ANKIB1: variants seen among roughly 807,000 people sequenced by gnomAD.
ANKIB1 encodes ankyrin repeat and IBR domain-containing protein 1.
ANKIB1 carries 43 observed loss-of-function variants against 122.1 expected under a neutral mutation model. The observed-to-expected ratio is 0.35, with a 90% CI of 0.28 to 0.45. The LOEUF (loss-of-function observed/expected upper bound fraction) is 0.45. Among genes scored for constraint, ANKIB1 ranks in the 20% least tolerant of loss-of-function variants. The pLI, the probability that ANKIB1 is intolerant of heterozygous loss-of-function variation, is 1.00. For missense variants in ANKIB1, 992 were observed against 1,329.5 expected, an observed-to-expected ratio of 0.75 and a Z score of 3.95; for synonymous variants, 390 against 442.0, an observed-to-expected ratio of 0.88 and a Z score of 1.48.
chr7:92,321,189 A>G (rs1802904005), intron 4 of ANKIB1, among the ~76,000 whole-genome samples: 1 of 152,180 alleles, frequency 6.6e-6, no homozygotes, highest in African/African-American at 2.4e-5. Context: ...TTTGATATGT[A>G]TATACAATGT....
chr7:92,398,343 A>T lies in ANKIB1; in HGVS notation c.2664A>T (p.Ile888=), dbSNP rs752595391. 1 of 1,613,584 alleles carries T rather than the reference A, an allele frequency of 6.2e-7. No homozygotes were observed. Among genetic ancestry groups the T allele is most frequent in the Non-Finnish European group, 8.5e-7 (1 of 1,179,728 alleles). ...FLSNEASLGA[I]GTSLPSRLDS... ...GTAATGAAGCATCCTTAGGTGCGAT[A>T]GGCACTTCTTTACCTTCCAGGCTGG... The change falls in exon 20 of 20, where the codon ATA becomes ATT. Residue 888 remains isoleucine (I), a synonymous_variant. Transcript: ENST00000265742.
intron 1 of ANKIB1, among the ~76,000 whole-genome samples, chr7:92,269,849 A>T (rs1297703442): frequency 1.3e-5 from 2 of 151,676 alleles, no homozygotes; most frequent in Non-Finnish European, 2.9e-5. Flanking sequence ...TACAGCGTGC[A>T]GGTTTGATAC....
intron 17 of ANKIB1, among the ~76,000 whole-genome samples, chr7:92,394,761 C>T (rs1307554460): frequency 1.7e-4 from 26 of 152,140 alleles, no homozygotes; most frequent in Admixed American, 1.7e-3. Flanking sequence ...GATGTCCCAC[C>T]TCAGCAAGGC....
intron 1 of ANKIB1, among the ~76,000 whole-genome samples, chr7:92,275,318 A>C (rs1047442371): frequency 1.3e-5 from 2 of 152,158 alleles, no homozygotes; most frequent in African/African-American, 4.8e-5. Flanking sequence ...CTCTGTACTT[A>C]GATATTACTG....
intron 3 of ANKIB1, among the ~76,000 whole-genome samples, chr7:92,310,633 A>T (rs1230242035): frequency 6.6e-6 from 1 of 152,160 alleles, no homozygotes; most frequent in East Asian, 1.9e-4. Context: ...AGATACGAAA[A>T]TCCACAGATG....
chr7:92,343,445 G>A (rs949358614), intron 6 of ANKIB1, among the ~76,000 whole-genome samples: 1 of 152,048 alleles, frequency 6.6e-6, no homozygotes, highest in African/African-American at 2.4e-5. Context: ...AAAAAAAAAG[G>A]TTTTCTTTCC....
chr7:92,286,031 A>G (rs1192084075), intron 1 of ANKIB1, among the ~76,000 whole-genome samples: 3 of 152,092 alleles, frequency 2.0e-5, no homozygotes. Context: ...GACTACTACT[A>G]CCCCTTCACC....
rs1308546840 is a variant in ANKIB1, at chr7:92,399,781, A to C, written c.*832A>C. On this transcript the variant is annotated 3_prime_UTR_variant, in exon 20 of 20. Transcript: ENST00000265742. ...CTGCTGTTAAAAACAGTTTATTTTA[A>C]TATTAAAATACAGTTGATTAGCAAC... The C allele has an allele frequency of 1.3e-5, 2 of 152,230 alleles. No homozygotes were observed. Among genetic ancestry groups the C allele is most frequent in the African/African-American group, 2.4e-5 (1 of 41,464 alleles). The allele number at this position is 152,230 out of a possible 1,614,324, so 9.4% of individuals were successfully genotyped here. A position where few individuals can be genotyped will look rare whatever the true frequency, so the allele number is the denominator to read the frequency against.
chr7:92,266,980 G>A (rs183809705), intron 1 of ANKIB1, among the ~76,000 whole-genome samples: 1 of 152,268 alleles, frequency 6.6e-6, no homozygotes, highest in Admixed American at 6.5e-5. Flanking sequence ...TGAGTTGAGA[G>A]GCAGTGAGTT....
At chr7:92,284,301 T>C (rs1157193668) in intron 1 of ANKIB1, among the ~76,000 whole-genome samples, 1 of 152,192 alleles carries the variant, frequency 6.6e-6, no homozygotes, top group Non-Finnish European at 1.5e-5. Flanking sequence ...GAGGCTACAG[T>C]GTATTACCTA....
intron 1 of ANKIB1, among the ~76,000 whole-genome samples, chr7:92,266,696 G>A (rs1801678213): frequency 6.6e-6 from 1 of 152,106 alleles, no homozygotes; most frequent in Admixed American, 6.5e-5. Flanking sequence ...GACCTCTCTG[G>A]GAGTCCACTC....
In ANKIB1 at chr7:92,307,536, A is replaced by G; in HGVS notation, c.366A>G (p.Lys122=). 3 of 1,613,918 alleles carry G rather than the reference A, an allele frequency of 1.9e-6. No individual in the cohort carries two copies. The highest frequency in any genetic ancestry group is 1.7e-6 in the Non-Finnish European group (2 of 1,179,896). ...RRADCLQMIL[K]WKGAKLDQGE... ...CAGATTGTCTGCAGATGATCTTAAA[A>G]TGGAAAGGAGCAAAACTTGACCAGG... Residue 122 remains lysine, a synonymous_variant, in exon 3 of 20, where the codon AAA becomes AAG. Transcript: ENST00000265742.
chr7:92,314,131 C>T (rs1448958042), intron 3 of ANKIB1, among the ~76,000 whole-genome samples: 1 of 151,772 alleles, frequency 6.6e-6, no homozygotes, highest in Non-Finnish European at 1.5e-5. Flanking sequence ...GAGCTTGTTT[C>T]TACTAAAAAT....
intron 5 of ANKIB1, among the ~76,000 whole-genome samples, chr7:92,328,962 C>T (rs1480987026): frequency 2.0e-5 from 3 of 147,526 alleles, no homozygotes; most frequent in Non-Finnish European, 3.0e-5. Context: ...TACACACACA[C>T]AAACACACTT....
At position 92,311,727 on chromosome 7, in the gene ANKIB1, CA is replaced by C. The variant is rs756973424; in HGVS notation, c.486+4072del. 3.6e-4 allele frequency among the ~76,000 whole-genome samples: 44 copies of C among 122,918 alleles called. No homozygotes were observed. The East Asian group carries it at 4.3e-3, about 12-fold the overall frequency. The allele number at this position is 122,918 out of a possible 152,430, so 80.6% of individuals were successfully genotyped here. A position where few individuals can be genotyped will look rare whatever the true frequency, so the allele number is the denominator to read the frequency against. ...TGTTCTGTAATAAGCGCCCCCCCCA[CA>C]CACACACACACAGAACATAAAATTA... is the stretch of plus-strand genomic sequence containing the variant. On this transcript the variant is annotated intron_variant, in intron 3 of 19. Coordinates refer to ENST00000265742, the MANE Select transcript of ANKIB1 (RefSeq NM_019004.2).
At chr7:92,302,226 A>G (rs1802472059) in intron 2 of ANKIB1, among the ~76,000 whole-genome samples, 1 of 152,120 alleles carries the variant, frequency 6.6e-6, no homozygotes, top group African/African-American at 2.4e-5. Flanking sequence ...GAGACACTGC[A>G]TCCGGCCTAG....
chr7:92,357,296 T>G (rs1464850746), intron 9 of ANKIB1, among the ~76,000 whole-genome samples: 1 of 152,154 alleles, frequency 6.6e-6, no homozygotes, highest in African/African-American at 2.4e-5. Flanking sequence ...CCCACCCTAT[T>G]GGTGTCTCTG....
At chr7:92,278,974 C>G (rs138314345) in intron 1 of ANKIB1, among the ~76,000 whole-genome samples, 1 of 152,322 alleles carries the variant, frequency 6.6e-6, no homozygotes, top group Non-Finnish European at 1.5e-5. Context: ...TGGTCCCCAA[C>G]CTTTTTGGTA....
chr7:92,309,469 T>A (rs1802639784), intron 3 of ANKIB1, among the ~76,000 whole-genome samples: 1 of 152,144 alleles, frequency 6.6e-6, no homozygotes, highest in African/African-American at 2.4e-5. Context: ...GCAGAATTCC[T>A]GGGGCTTTTT....
Sources: allele counts gnomAD v4.1 joint callset (sites outside exome capture counted in the v4.1 genomes callset), GRCh38; gene constraint gnomAD v4.1.1; transcripts MANE v1.5; gene names NCBI Gene and HGNC (gene_info 2026-07-23, HGNC 2026-07-21).